The following TDRD10 variants were observed in gnomAD, a reference collection of about 807,000 sequenced individuals.
TDRD10 encodes tudor domain containing 10, also known as tudor domain-containing protein 10.
A neutral mutation model predicts 48.0 loss-of-function variants in TDRD10; 40 were observed. The ratio of observed to expected loss-of-function variants is 0.83; its 90% CI spans 0.65 to 1.09. TDRD10 has a LOEUF of 1.09. Among genes scored for constraint, TDRD10 ranks in the 50% least tolerant of loss-of-function variants. TDRD10 has a pLI of 0.00. For synonymous variants in TDRD10, 162 were observed against 170.4 expected, an observed-to-expected ratio of 0.95 and a Z score of 0.38; for missense variants, 378 against 434.7, an observed-to-expected ratio of 0.87 and a Z score of 1.16.
At chr1:154,521,744 T>G (rs1258192599) in intron 6 of TDRD10, among the ~76,000 whole-genome samples, 1 of 152,236 alleles carries the variant, frequency 6.6e-6, no homozygotes, top group Non-Finnish European at 1.5e-5. Flanking sequence ...TCAGGGCTTT[T>G]TCAACCTGGA....
intron 6 of TDRD10, among the ~76,000 whole-genome samples, chr1:154,526,994 C>G (rs573481471): frequency 5.3e-5 from 8 of 152,212 alleles, no homozygotes; most frequent in Admixed American, 3.3e-4. Context: ...ACTGCAACCT[C>G]CGCCTTCTGG....
At chr1:154,527,068 G>A (rs759073724) in intron 6 of TDRD10, among the ~76,000 whole-genome samples, 5 of 151,824 alleles carry the variant, frequency 3.3e-5, no homozygotes, top group Non-Finnish European at 5.9e-5. Flanking sequence ...CTGCCACCAC[G>A]CCCGCCTAGT....
intron 4 of TDRD10, among the ~76,000 whole-genome samples, chr1:154,515,518 C>T (rs1384279152): frequency 6.6e-6 from 1 of 152,220 alleles, no homozygotes; most frequent in Non-Finnish European, 1.5e-5. Flanking sequence ...CCACAGCAGG[C>T]TCTCTGGCCT....
chr1:154,508,253 G>A (rs887394011), intron 3 of TDRD10, among the ~76,000 whole-genome samples, 170 bp from the exon 4 acceptor site: 1 of 152,170 alleles, frequency 6.6e-6, no homozygotes, highest in African/African-American at 2.4e-5. Context: ...AGTGGCTCAC[G>A]CCTGTAATTC....
At chr1:154,535,691 G>T (rs1694885091) in intron 6 of TDRD10, among the ~76,000 whole-genome samples, 1 of 152,126 alleles carries the variant, frequency 6.6e-6, no homozygotes. Flanking sequence ...TTAAAAAAAG[G>T]TTGAAAAAGA....
intron 4 of TDRD10, among the ~76,000 whole-genome samples, chr1:154,518,502 A>G (rs1448761434): frequency 2.6e-5 from 4 of 151,758 alleles, no homozygotes; most frequent in Non-Finnish European, 5.9e-5. Context: ...ATCTCGGTTC[A>G]CTGCAAGCTC....
At chr1:154,515,398 CAG>C (rs1693706094) in intron 4 of TDRD10, among the ~76,000 whole-genome samples, 1 of 152,210 alleles carries the variant, frequency 6.6e-6, no homozygotes, top group Non-Finnish European at 1.5e-5. Flanking sequence ...CCCCTCCACT[CAG>C]AAGCCTCCAG....
At chr1:154,547,316 T>C in intron 11 of TDRD10, 93 bp from the exon 12 acceptor site, 1 of 1,404,596 alleles carries the variant, frequency 7.1e-7, no homozygotes, top group Non-Finnish European at 9.9e-7. Flanking sequence ...GCCAGAGCAC[T>C]TTCCCTGCAG....
At chr1:154,516,574 T>G (rs1042571081) in intron 4 of TDRD10, among the ~76,000 whole-genome samples, 4 of 152,050 alleles carry the variant, frequency 2.6e-5, no homozygotes, top group Non-Finnish European at 4.4e-5. Context: ...GAATAGGTAG[T>G]AGGAATGCCA....
At chr1:154,525,474 G>C (rs1264608611) in intron 6 of TDRD10, among the ~76,000 whole-genome samples, 1 of 152,164 alleles carries the variant, frequency 6.6e-6, no homozygotes, top group Non-Finnish European at 1.5e-5. Flanking sequence ...AAAGTTTTGG[G>C]ATATAGTGAA....
At chr1:154,505,902 A>G (rs1052133187) in intron 1 of TDRD10, among the ~76,000 whole-genome samples, 1 of 152,218 alleles carries the variant, frequency 6.6e-6, no homozygotes, top group African/African-American at 2.4e-5. Flanking sequence ...CTTCACTGCC[A>G]TGATCTATGA....
At chr1:154,542,900 A>G (rs547602935) in intron 8 of TDRD10, 79 bp downstream of exon 8, 13 of 1,234,268 alleles carry the variant, frequency 1.1e-5, no homozygotes, top group African/African-American at 8.9e-5. Flanking sequence ...GGGGACAAGG[A>G]TAGTACTGGG....
At chr1:154,540,815 T>C (rs1695186700) in intron 6 of TDRD10, among the ~76,000 whole-genome samples, 1 of 151,986 alleles carries the variant, frequency 6.6e-6, no homozygotes, top group Non-Finnish European at 1.5e-5. Flanking sequence ...GATGTGCCAG[T>C]GTTGAGCAGT....
At chr1:154,537,831 C>G (rs925411633) in intron 6 of TDRD10, among the ~76,000 whole-genome samples, 4 of 152,192 alleles carry the variant, frequency 2.6e-5, no homozygotes, top group African/African-American at 7.2e-5. Flanking sequence ...ACTTGACCAC[C>G]TGGTAGAAAT....
intron 5 of TDRD10, 39 bp from the exon 6 acceptor site, chr1:154,521,284 G>C: frequency 1.2e-6 from 2 of 1,608,316 alleles, no homozygotes; most frequent in South Asian, 2.2e-5. Context: ...CTTCTCTGGA[G>C]ATGTGCTCAA....
At chr1:154,541,787 C>T in intron 6 of TDRD10, 1 of 467,340 alleles carries the variant, frequency 2.1e-6, no homozygotes. Flanking sequence ...TGAGTGCTCC[C>T]TGGCAGCAGC....
At chr1:154,513,744 G>T (rs16836074) in intron 4 of TDRD10, among the ~76,000 whole-genome samples, 4,961 of 152,272 alleles carry the variant, frequency 0.033, 282 homozygotes, top group African/African-American at 0.11. Context: ...TAGCAGATTT[G>T]TAGTCAAAAG....
At chr1:154,541,173 G>A (rs773924263) in intron 6 of TDRD10, among the ~76,000 whole-genome samples, 2 of 152,050 alleles carry the variant, frequency 1.3e-5, no homozygotes, top group South Asian at 2.1e-4. Context: ...AGGCTCACAC[G>A]GGAGGGAGAC....
intron 4 of TDRD10, among the ~76,000 whole-genome samples, chr1:154,510,798 G>A (rs1029051430): frequency 3.3e-5 from 5 of 151,850 alleles, no homozygotes; most frequent in Admixed American, 6.6e-5. Context: ...TGTAATTCCA[G>A]CGCTTTGGGA....
Sources: allele counts gnomAD v4.1 joint callset (sites outside exome capture counted in the v4.1 genomes callset), GRCh38; gene constraint gnomAD v4.1.1; transcripts MANE v1.5; gene names NCBI Gene and HGNC (gene_info 2026-07-23, HGNC 2026-07-21).